The following TMEM135 variants were observed in gnomAD, a reference collection of about 807,000 sequenced individuals.
TMEM135 encodes the protein peroxisomal membrane protein 52.
In TMEM135, 30 loss-of-function variants were observed where a neutral mutation model predicts 60.3. That is an observed-to-expected ratio of 0.50 (90% confidence interval 0.37 to 0.68). The LOEUF (loss-of-function observed/expected upper bound fraction) is 0.68, where lower values mean the gene tolerates loss of function less well. Ranked by LOEUF, TMEM135 falls within the 30% of genes least tolerant of loss-of-function variation. TMEM135 has a pLI of 0.00. For synonymous variants in TMEM135, 190 were observed against 186.7 expected (o/e 1.02, Z -0.14); for missense variants, 468 against 548.8 (o/e 0.85, Z 1.47).
Position 87,328,506 on chromosome 11 carries a change from C to T in TMEM135, c.*7173C>T, listed in dbSNP as rs1405735379. 8.8e-6 allele frequency: 4 copies of T among 453,978 alleles called. No individual in the cohort carries two copies. Among genetic ancestry groups the T allele is most frequent in the Non-Finnish European group, 8.8e-6 (2 of 226,766 alleles). The allele number at this position is 453,978 out of a possible 1,614,324, so 28.1% of individuals were successfully genotyped here. On this transcript the variant is annotated 3_prime_UTR_variant, in exon 15 of 15. Coordinates refer to ENST00000305494, the MANE Select transcript of TMEM135 (RefSeq NM_022918.4). ...AATATATAGCTTTTTATTCCTTCCC[C>T]TTCTGAGTCTCCATAGTCCATTATA... is the stretch of plus-strand genomic sequence containing the variant.
chr11:87,173,538 C>G (rs962869364), intron 5 of TMEM135, among the ~76,000 whole-genome samples: 2 of 152,146 alleles, frequency 1.3e-5, no homozygotes, highest in Non-Finnish European at 2.9e-5. Flanking sequence ...CAAGCTCATG[C>G]ATTGCTTTTG....
At chr11:87,121,774 G>T (rs1334414283) in intron 4 of TMEM135, among the ~76,000 whole-genome samples, 1 of 151,060 alleles carries the variant, frequency 6.6e-6, no homozygotes, top group African/African-American at 2.4e-5. Flanking sequence ...TGAGTAGCAG[G>T]GACTACAGGT....
At chr11:87,284,681 T>G (rs1942131708) in intron 6 of TMEM135, among the ~76,000 whole-genome samples, 1 of 152,248 alleles carries the variant, frequency 6.6e-6, no homozygotes, top group South Asian at 2.1e-4. Context: ...ATAATATTTT[T>G]AATACACTGG....
intron 12 of TMEM135, among the ~76,000 whole-genome samples, chr11:87,315,836 G>A (rs1163670229): frequency 6.6e-6 from 1 of 151,942 alleles, no homozygotes; most frequent in Non-Finnish European, 1.5e-5. Flanking sequence ...AAGATTTGGA[G>A]TTTAACATAT....
chr11:87,248,330 G>T (rs1425726542), intron 6 of TMEM135, among the ~76,000 whole-genome samples: 3 of 152,098 alleles, frequency 2.0e-5, no homozygotes, highest in Non-Finnish European at 4.4e-5. Flanking sequence ...AGTGTACAAG[G>T]GTTCCTTTTC....
intron 3 of TMEM135, among the ~76,000 whole-genome samples, chr11:87,076,600 A>G (rs1028416080): frequency 6.6e-6 from 1 of 152,082 alleles, no homozygotes; most frequent in African/African-American, 2.4e-5. Context: ...TTTCTCAGAC[A>G]GAAGGAGTCT....
At chr11:87,189,455 C>T (rs1296836923) in intron 5 of TMEM135, among the ~76,000 whole-genome samples, 1 of 152,118 alleles carries the variant, frequency 6.6e-6, no homozygotes, top group Non-Finnish European at 1.5e-5. Flanking sequence ...GCCACCGTGC[C>T]CAGCCTGTCA....
At chr11:87,197,951 AT>A (rs140189480) in intron 5 of TMEM135, among the ~76,000 whole-genome samples, 19,952 of 151,744 alleles carry the variant, frequency 0.13, 1,369 homozygotes, top group Non-Finnish European at 0.15. Flanking sequence ...TTTTATTTTT[AT>A]TTTTTTAGGT....
intron 6 of TMEM135, among the ~76,000 whole-genome samples, chr11:87,289,925 C>T (rs981693015): frequency 6.6e-6 from 1 of 152,124 alleles, no homozygotes; most frequent in Non-Finnish European, 1.5e-5. Flanking sequence ...AGTATAATGT[C>T]TTCCAGTCCA....
In TMEM135 at chr11:87,120,335, G is replaced by T. The variant is rs576573338; in HGVS notation, c.396+28940G>T. Among the ~76,000 whole-genome samples, 267 of 151,540 alleles carry T rather than the reference G, an allele frequency of 1.8e-3. 3 individuals carry two copies. Among genetic ancestry groups the T allele is most frequent in the African/African-American group, 6.0e-3 (250 of 41,346 alleles). Reference sequence around the variant, plus strand: ...TGCCTAGGGTGGTCTTGAACTCCTGGACTTAAGTGATTCTCTCACTTTGGC... The same window carrying T: ...TGCCTAGGGTGGTCTTGAACTCCTGTACTTAAGTGATTCTCTCACTTTGGC... On this transcript the variant is annotated intron_variant, in intron 4 of 14. Coordinates refer to ENST00000305494, the MANE Select transcript of TMEM135 (RefSeq NM_022918.4).
rs193242283 is a variant in TMEM135, at chr11:87,256,667, C to T, written c.509+19983C>T. 8.6e-5 allele frequency among the ~76,000 whole-genome samples: 13 copies of T among 151,976 alleles called. No individual in the cohort carries two copies. In the South Asian group the frequency reaches 2.5e-3, roughly 29 times the overall value. ...TTATATTAAAGTGATTTTTTGGGGG[C>T]AAAAACATGTCTTTTGCTCATTGTG... is the stretch of plus-strand genomic sequence containing the variant. On this transcript the variant is annotated intron_variant, in intron 6 of 14. Coordinates refer to ENST00000305494, the MANE Select transcript of TMEM135 (RefSeq NM_022918.4).
In TMEM135 at chr11:87,254,571, A is replaced by C. The variant is rs139746796; in HGVS notation, c.509+17887A>C. Among the ~76,000 whole-genome samples the C allele has an allele frequency of 6.2e-4, 95 of 152,368 alleles. 2 individuals carry two copies. The highest frequency in any genetic ancestry group is 2.3e-3 in the African/African-American group (94 of 41,590). ...AAACATTATTTATGTTTCCAAGCCC[A>C]TCTTTAAAAGTTATTCAACCTATAA... On this transcript the variant is annotated intron_variant, in intron 6 of 14. Transcript: ENST00000305494.
intron 3 of TMEM135, among the ~76,000 whole-genome samples, chr11:87,086,152 T>C (rs540863337): frequency 2.0e-5 from 3 of 152,230 alleles, no homozygotes; most frequent in African/African-American, 7.2e-5. Context: ...ATACACTTTT[T>C]TTCTGTAAGG....
chr11:87,116,622 C>A (rs941182394), intron 4 of TMEM135, among the ~76,000 whole-genome samples: 2 of 95,434 alleles, frequency 2.1e-5, no homozygotes, highest in African/African-American at 7.2e-5. Flanking sequence ...CAAACACACA[C>A]ACACACATAC....
chr11:87,169,553 G>T (rs1209611014), intron 5 of TMEM135, among the ~76,000 whole-genome samples: 1 of 151,594 alleles, frequency 6.6e-6, no homozygotes, highest in African/African-American at 2.4e-5. Context: ...TTTCTTTTTC[G>T]CTTATGAAGC....
At chr11:87,072,140 G>A (rs1334934265) in intron 3 of TMEM135, among the ~76,000 whole-genome samples, 1 of 152,188 alleles carries the variant, frequency 6.6e-6, no homozygotes, top group Non-Finnish European at 1.5e-5. Context: ...GCTACAGTGA[G>A]CCGTGATCAT....
chr11:87,178,482 C>G, intron 5 of TMEM135: 1 of 456,122 alleles, frequency 2.2e-6, no homozygotes. Flanking sequence ...CTTCCCCAGG[C>G]TGGAGTGATT....
At chr11:87,303,281 G>A (rs929243550) in intron 8 of TMEM135, among the ~76,000 whole-genome samples, 22 of 152,132 alleles carry the variant, frequency 1.4e-4, no homozygotes, top group African/African-American at 5.1e-4. Flanking sequence ...TCTAAGTTGC[G>A]TGCTTCTTAT....
At chr11:87,168,458 C>T (rs550920868) in intron 5 of TMEM135, among the ~76,000 whole-genome samples, 2 of 152,094 alleles carry the variant, frequency 1.3e-5, no homozygotes, top group Non-Finnish European at 2.9e-5. Flanking sequence ...ATAAATTTCC[C>T]TCTAAAGACT....
Sources: gnomAD v4.1 joint callset for allele counts (sites outside exome capture counted in the v4.1 genomes callset) on GRCh38, gnomAD v4.1.1 for gene constraint, MANE v1.5 for transcripts, NCBI Gene and HGNC (gene_info 2026-07-23, HGNC 2026-07-21) for gene names.